The following PEBP4 variants were observed in gnomAD, a reference collection of about 807,000 sequenced individuals.
PEBP4 encodes the protein phosphatidylethanolamine-binding protein 4.
Under a neutral mutation model 23.9 loss-of-function variants are expected in PEBP4, and 22 were observed. That is an observed-to-expected ratio of 0.92 (90% CI 0.66 to 1.31). The LOEUF is 1.31. Ranked by LOEUF, PEBP4 falls within the 40% of genes most tolerant of loss-of-function variation. PEBP4 has a pLI of 0.00. For synonymous variants in PEBP4, 112 were observed against 99.3 expected (o/e 1.13, Z -0.76); for missense variants, 324 against 281.7 (o/e 1.15, Z -1.07).
chr8:22,733,727 C>G (rs762311711), intron 4 of PEBP4, among the ~76,000 whole-genome samples: 1 of 151,194 alleles, frequency 6.6e-6, no homozygotes, highest in Non-Finnish European at 1.5e-5. Context: ...GGTGCAAACC[C>G]CGGTCAGAGT....
intron 4 of PEBP4, among the ~76,000 whole-genome samples, chr8:22,792,859 A>G (rs1390439210): frequency 1.3e-5 from 2 of 152,116 alleles, no homozygotes; most frequent in African/African-American, 4.8e-5. Context: ...GGTGGCTCTC[A>G]GCAGAAGTGA....
chr8:22,880,130 A>G (rs1265400451), intron 3 of PEBP4, among the ~76,000 whole-genome samples: 1 of 152,170 alleles, frequency 6.6e-6, no homozygotes, highest in Admixed American at 6.5e-5. Flanking sequence ...GGCTCTGCCC[A>G]GGGCCAGGAC....
chr8:22,810,967 C>T (rs2128760593), intron 4 of PEBP4, among the ~76,000 whole-genome samples: 1 of 152,028 alleles, frequency 6.6e-6, no homozygotes, highest in Middle Eastern at 3.4e-3. Flanking sequence ...CCTAGTCAGC[C>T]TCTCTATACA....
chr8:22,838,127 T>C (rs1325709052), intron 3 of PEBP4, among the ~76,000 whole-genome samples: 2 of 152,036 alleles, frequency 1.3e-5, no homozygotes, highest in African/African-American at 2.4e-5. Context: ...TCTGAAACTC[T>C]TGGGCTCCAG....
intron 3 of PEBP4, among the ~76,000 whole-genome samples, chr8:22,917,111 T>C (rs1297342393): frequency 8.2e-6 from 1 of 122,380 alleles, no homozygotes; most frequent in African/African-American, 3.4e-5. Flanking sequence ...GGCTTTGGAG[T>C]TTGCTGGGGG....
chr8:22,716,907 C>T (rs1203987533), intron 6 of PEBP4, among the ~76,000 whole-genome samples: 3 of 152,350 alleles, frequency 2.0e-5, no homozygotes, highest in East Asian at 3.9e-4. Context: ...TATTTTACCC[C>T]CTGCCCTTGG....
rs1220428407 is a variant in PEBP4 at position 22,784,950 on chromosome 8, C to T, written c.357+32687G>A. 3.3e-5 allele frequency among the ~76,000 whole-genome samples: 5 copies of T among 152,192 alleles called. No homozygotes were observed. The East Asian group carries it at 5.8e-4, about 18-fold the overall frequency. ...GGATCCATCTGGGCGTCACCTTTTG[C>T]GGGTGCTGGGGACACTGCTTGCGTG... On this transcript the variant is annotated intron_variant, in intron 4 of 6. Transcript: ENST00000256404.
At chr8:22,938,990 A>T (rs1280212946) in intron 1 of PEBP4, among the ~76,000 whole-genome samples, 2 of 152,226 alleles carry the variant, frequency 1.3e-5, no homozygotes, top group Non-Finnish European at 2.9e-5. Context: ...GTCACCCAAC[A>T]TGCACTTGGG....
intron 3 of PEBP4, among the ~76,000 whole-genome samples, chr8:22,832,959 A>G (rs1415732151): frequency 6.6e-6 from 1 of 152,168 alleles, no homozygotes; most frequent in East Asian, 1.9e-4. Flanking sequence ...CTGGACAACA[A>G]GGGGCAGCCC....
chr8:22,795,286 C>G (rs1008955105), intron 4 of PEBP4, among the ~76,000 whole-genome samples: 33 of 149,056 alleles, frequency 2.2e-4, no homozygotes, highest in Non-Finnish European at 1.9e-4. Flanking sequence ...AGCAATTCTC[C>G]TGCCTCAGCC....
At position 22,713,856 on chromosome 8, in the gene PEBP4, G is replaced by A. The variant is rs771705994; in HGVS notation, c.518-320C>T. 3.3e-5 allele frequency among the ~76,000 whole-genome samples: 5 copies of A among 151,382 alleles called. 1 individual carries two copies. Among genetic ancestry groups the A allele is most frequent in the Admixed American group, 2.0e-4 (3 of 15,188 alleles). On this transcript the variant is annotated intron_variant, in intron 6 of 6. Coordinates refer to ENST00000256404, the MANE Select transcript of PEBP4 (RefSeq NM_144962.3). ...AAACTGCCTTCTCGCTCCCGCTCCCGGGCAGAAAGGAAGCCCAGTCATGCG... is the reference window on the plus strand; with the variant it reads ...AAACTGCCTTCTCGCTCCCGCTCCCAGGCAGAAAGGAAGCCCAGTCATGCG...
At chr8:22,805,194 T>C (rs895627533) in intron 4 of PEBP4, among the ~76,000 whole-genome samples, 1 of 152,244 alleles carries the variant, frequency 6.6e-6, no homozygotes, top group African/African-American at 2.4e-5. Context: ...CATGGTACTG[T>C]CATGGTGGAT....
At chr8:22,727,034 G>C (rs1804633588) in intron 5 of PEBP4, 141 bp downstream of exon 5, 3 of 853,228 alleles carry the variant, frequency 3.5e-6, no homozygotes, top group Non-Finnish European at 5.8e-6. Flanking sequence ...ATAAAAGGCA[G>C]TTGTGGAGAT....
intron 4 of PEBP4, among the ~76,000 whole-genome samples, chr8:22,731,615 T>TTTTATTTA (rs756455154): frequency 3.3e-4 from 49 of 147,730 alleles, no homozygotes; most frequent in African/African-American, 7.2e-4. Context: ...GCCCTCATTG[T>TTTTATTTA]TTTATTTATT....
upstream of PEBP4, among the ~76,000 whole-genome samples, chr8:22,929,161 C>G (rs915008725): frequency 1.6e-4 from 24 of 152,200 alleles, no homozygotes; most frequent in African/African-American, 5.3e-4. Context: ...AGTAAATGCT[C>G]AATAATTTAT....
intron 3 of PEBP4, among the ~76,000 whole-genome samples, chr8:22,832,623 G>A (rs1012235882): frequency 1.3e-5 from 2 of 152,172 alleles, no homozygotes; most frequent in African/African-American, 4.8e-5. Context: ...GTCTTTGCGT[G>A]TCTGCCTTTC....
chr8:22,798,686 T>C (rs895358783), intron 4 of PEBP4: 1 of 151,070 alleles, frequency 6.6e-6, no homozygotes, highest in Non-Finnish European at 1.5e-5. Context: ...CCCTGTGTCA[T>C]CACTCGGTCA....
At chr8:22,750,631 G>GT (rs1247752472) in intron 4 of PEBP4, among the ~76,000 whole-genome samples, 2 of 151,668 alleles carry the variant, frequency 1.3e-5, no homozygotes, top group Non-Finnish European at 2.9e-5. Context: ...GTGGGAGTTT[G>GT]TTTTTTTTCC....
chr8:22,870,469 T>C (rs1256777823), intron 3 of PEBP4, among the ~76,000 whole-genome samples: 1 of 152,188 alleles, frequency 6.6e-6, no homozygotes, highest in African/African-American at 2.4e-5. Context: ...TAGAGGATTT[T>C]TAGACAGTGA....
Sources: gnomAD v4.1 joint callset for allele counts (sites outside exome capture counted in the v4.1 genomes callset) on GRCh38, gnomAD v4.1.1 for gene constraint, MANE v1.5 for transcripts, NCBI Gene and HGNC (gene_info 2026-07-23, HGNC 2026-07-21) for gene names.